The following TMEFF1 variants were observed in gnomAD, a reference collection of about 807,000 sequenced individuals.
TMEFF1 encodes transmembrane protein with EGF like and two follistatin like domains 1, also known as tomoregulin-1.
TMEFF1 carries 20 observed loss-of-function variants against 47.5 expected under a neutral mutation model. The ratio of observed to expected loss-of-function variants is 0.42; its 90% CI spans 0.30 to 0.61. The LOEUF (loss-of-function observed/expected upper bound fraction) is 0.61. Ranked by LOEUF, TMEFF1 falls within the 20% of genes least tolerant of loss-of-function variation. The pLI, the probability that TMEFF1 is intolerant of heterozygous loss-of-function variation, is 0.19. For missense variants in TMEFF1, 411 were observed against 471.1 expected (o/e 0.87, Z 1.18); for synonymous variants, 162 against 166.3 (o/e 0.97, Z 0.20).
At chr9:100,505,661 G>A (rs1169971243) in intron 2 of TMEFF1, among the ~76,000 whole-genome samples, 1 of 152,142 alleles carries the variant, frequency 6.6e-6, no homozygotes, top group Non-Finnish European at 1.5e-5. Flanking sequence ...TTCCTTTGCA[G>A]TACTTCAGGC....
At chr9:100,535,487 G>T (rs564583668) in intron 5 of TMEFF1, among the ~76,000 whole-genome samples, 1 of 152,190 alleles carries the variant, frequency 6.6e-6, no homozygotes, top group East Asian at 1.9e-4. Context: ...AAAATCTAAC[G>T]GGGCTGAATG....
intron 1 of TMEFF1, among the ~76,000 whole-genome samples, chr9:100,485,704 TTAAC>T (rs1837434721): frequency 6.6e-6 from 1 of 152,210 alleles, no homozygotes; most frequent in Non-Finnish European, 1.5e-5. Context: ...TTGTCTTAAC[TTAAC>T]TATTTTCTTT....
chr9:100,535,361 T>TA (rs368120455), intron 5 of TMEFF1, among the ~76,000 whole-genome samples: 6 of 152,362 alleles, frequency 3.9e-5, no homozygotes, highest in African/African-American at 1.4e-4. Flanking sequence ...TCATATCATT[T>TA]AAAAATGTTT....
At chr9:100,476,928 C>T (rs1487403630) in intron 1 of TMEFF1, among the ~76,000 whole-genome samples, 2 of 151,632 alleles carry the variant, frequency 1.3e-5, no homozygotes. Context: ...GATCTCCTGA[C>T]CTCGTGATCT....
At chr9:100,546,470 T>C (rs1183028899) in intron 5 of TMEFF1, among the ~76,000 whole-genome samples, 1 of 145,436 alleles carries the variant, frequency 6.9e-6, no homozygotes, top group Non-Finnish European at 1.5e-5. Flanking sequence ...ACGGGAATTG[T>C]GGGAGTTACT....
rs1392377408 is a variant in TMEFF1, at chr9:100,547,754, A to C, written c.571A>C (p.Asn191His). The change falls in exon 6 of 10, where the codon AAT (asparagine) becomes CAT (histidine). Residue 191 changes from asparagine to histidine, a missense_variant. Coordinates refer to ENST00000374879, the MANE Select transcript of TMEFF1 (RefSeq NM_003692.5). ...TGTCTTTTCCAACAGGTGTGTATGT[A>C]ATATAGATTGCAGTGGATACAGTTT... ...EDAENVGCVC[N>H]IDCSGYSFNP... 1 of 1,587,270 alleles carries C rather than the reference A, an allele frequency of 6.3e-7. No individual in the cohort carries two copies. Among genetic ancestry groups the C allele is most frequent in the East Asian group, 2.3e-5 (1 of 43,348 alleles).
At chr9:100,559,633 T>A (rs114410904) in intron 7 of TMEFF1, among the ~76,000 whole-genome samples, 7,576 of 152,236 alleles carry the variant, frequency 0.05, 381 homozygotes, top group South Asian at 0.22. Flanking sequence ...TGTTTCTATT[T>A]ACTTTTTAAA....
At chr9:100,552,741 G>C (rs1441679758) in intron 7 of TMEFF1, among the ~76,000 whole-genome samples, 1 of 152,062 alleles carries the variant, frequency 6.6e-6, no homozygotes, top group African/African-American at 2.4e-5. Context: ...TACGCGATGT[G>C]GTCGCAGCTG....
At chr9:100,487,355 A>T (rs1479832596) in intron 1 of TMEFF1, among the ~76,000 whole-genome samples, 1 of 152,096 alleles carries the variant, frequency 6.6e-6, no homozygotes, top group Non-Finnish European at 1.5e-5. Flanking sequence ...TTTAGTACAG[A>T]TGGGGTTTCA....
intron 9 of TMEFF1, among the ~76,000 whole-genome samples, chr9:100,573,344 A>G (rs779295344): frequency 6.6e-6 from 1 of 152,222 alleles, no homozygotes; most frequent in Non-Finnish European, 1.5e-5. Flanking sequence ...GATAAGTAAT[A>G]AGCTTTAAAA....
chr9:100,523,538 A>G (rs1221036703), intron 5 of TMEFF1, among the ~76,000 whole-genome samples: 2 of 152,166 alleles, frequency 1.3e-5, no homozygotes, highest in African/African-American at 4.8e-5. Context: ...ATTCACTTAG[A>G]GCTGCTTACA....
At position 100,550,096 on chromosome 9, in the gene TMEFF1, T is replaced by G. The variant is rs1838804232; in HGVS notation, c.711T>G (p.Asp237Glu). 1 of 1,610,764 alleles carries G rather than the reference T, an allele frequency of 6.2e-7. No individual in the cohort carries two copies. The highest frequency in any genetic ancestry group is 1.3e-5 in the African/African-American group (1 of 74,780). The change falls in exon 7 of 10, where the codon GAT becomes GAG. Residue 237 changes from aspartate to glutamate, a missense_variant and splice_region_variant. By Grantham distance (45) the Asp-to-Glu change is conservative. Transcript: ENST00000374879. Reference protein sequence around the residue: ...IDIRHLGHCTDTDDTSLLGKK... With the variant: ...IDIRHLGHCTETDDTSLLGKK... ...TTTGAAAACCGTCTTCTCTTACAGA[T>G]ACAGATGACACTAGTTTGTTGGGAA...
Position 100,561,519 on chromosome 9 carries a change from A to T in TMEFF1, c.898A>T (p.Arg300Ter). Residue 300 changes from arginine (R) to a stop codon, truncating the protein, a stop_gained and splice_region_variant, in exon 8 of 10, where the codon AGA becomes TGA. Coordinates refer to ENST00000374879, the MANE Select transcript of TMEFF1 (RefSeq NM_003692.5). LOFTEE classifies it high-confidence loss of function. ...CTATTCTACTCAGAAGGCTTCTTGT[A>T]GGTAAGTCAGCGCTTCCAGATCAGT... ...FIYSTQKASC[R>*]CESGYTGQHC... The T allele has an allele frequency of 6.2e-7, 1 of 1,611,098 alleles. No individual in the cohort carries two copies. Among genetic ancestry groups the T allele is most frequent in the Non-Finnish European group, 8.5e-7 (1 of 1,178,940 alleles).
intron 1 of TMEFF1, among the ~76,000 whole-genome samples, chr9:100,483,499 A>AC (rs1287200903): frequency 2.0e-5 from 2 of 97,854 alleles, no homozygotes; most frequent in East Asian, 2.5e-4. Context: ...CAACATCTCA[A>AC]AAAACAAACA....
chr9:100,511,562 T>C (rs971382884), intron 3 of TMEFF1, among the ~76,000 whole-genome samples: 3 of 152,258 alleles, frequency 2.0e-5, no homozygotes, highest in African/African-American at 7.2e-5. Flanking sequence ...TTGTGGATCC[T>C]ATTCCTTGAA....
chr9:100,554,797 A>G (rs1051997894), intron 7 of TMEFF1, among the ~76,000 whole-genome samples: 6 of 152,122 alleles, frequency 3.9e-5, no homozygotes, highest in Admixed American at 6.5e-5. Flanking sequence ...GAAGCAAGAC[A>G]GAATATTTTG....
intron 3 of TMEFF1, among the ~76,000 whole-genome samples, chr9:100,512,794 G>A (rs998127180): frequency 5.9e-5 from 9 of 151,984 alleles, no homozygotes; most frequent in Non-Finnish European, 1.3e-4. Flanking sequence ...TCAAGCCTTT[G>A]GTTCCTTGCT....
intron 5 of TMEFF1, among the ~76,000 whole-genome samples, chr9:100,533,454 A>T (rs1838439978): frequency 6.6e-6 from 1 of 152,096 alleles, no homozygotes; most frequent in African/African-American, 2.4e-5. Context: ...TTTAAATCAT[A>T]ATCCCTGTTG....
At chr9:100,563,478 T>G (rs1024321244) in intron 8 of TMEFF1, among the ~76,000 whole-genome samples, 1 of 152,234 alleles carries the variant, frequency 6.6e-6, no homozygotes, top group Non-Finnish European at 1.5e-5. Flanking sequence ...CGTGTACAGG[T>G]TAAAGGCTTT....
Sources: allele counts gnomAD v4.1 joint callset (sites outside exome capture counted in the v4.1 genomes callset), GRCh38; gene constraint gnomAD v4.1.1; transcripts MANE v1.5; gene names NCBI Gene and HGNC (gene_info 2026-07-23, HGNC 2026-07-21).